Variants in MATCAP2 observed in about 807,000 individuals in gnomAD.
The protein encoded by MATCAP2 is microtubule associated tyrosine carboxypeptidase 2.
chr7:36,366,828 G>A, the MATCAP2 span: 1 of 1,519,956 alleles, frequency 6.6e-7, no homozygotes, highest in Admixed American at 2.1e-5. Context: ...GGCGCGCCCA[G>A]CCGGTGGCTA....
At chr7:36,376,562 A>G in the MATCAP2 span, among the ~76,000 whole-genome samples, 1 of 152,210 alleles carries the variant, frequency 6.6e-6, no homozygotes, top group Admixed American at 6.5e-5. Context: ...AAGAATGTAT[A>G]TTCTGCTGTT....
At chr7:36,336,110 A>G in the MATCAP2 span, 8 of 1,334,206 alleles carry the variant, frequency 6.0e-6, no homozygotes, top group South Asian at 1.4e-4. Flanking sequence ...ATAAACTATG[A>G]CTGTCAATGA....
At chr7:36,350,005 T>C in the MATCAP2 span, among the ~76,000 whole-genome samples, 1 of 152,342 alleles carries the variant, frequency 6.6e-6, no homozygotes, top group Admixed American at 6.5e-5. Flanking sequence ...CTTCAGTGTA[T>C]CTGTGAAAGG....
the MATCAP2 span, among the ~76,000 whole-genome samples, chr7:36,377,607 T>C: frequency 5.9e-5 from 9 of 152,316 alleles, no homozygotes; most frequent in South Asian, 1.9e-3. Context: ...AGGAATATCT[T>C]TGTGGTGTTC....
the MATCAP2 span, chr7:36,336,322 A>C: frequency 6.8e-7 from 1 of 1,465,872 alleles, no homozygotes; most frequent in East Asian, 2.5e-5. Context: ...GAGATAATGA[A>C]AGTAAACAGC....
At chr7:36,389,857 AG>A in the MATCAP2 span, 1 of 1,236,052 alleles carries the variant, frequency 8.1e-7, no homozygotes, top group Non-Finnish European at 1.1e-6. Context: ...ACGGCTGCAG[AG>A]GCCGAGTCCG....
the MATCAP2 span, among the ~76,000 whole-genome samples, chr7:36,337,047 G>A: frequency 8.0e-6 from 1 of 125,246 alleles, no homozygotes; most frequent in East Asian, 2.6e-4. Context: ...GTGGTGAGCC[G>A]AGATCGCGCC....
the MATCAP2 span, among the ~76,000 whole-genome samples, chr7:36,375,014 C>G: frequency 6.6e-6 from 1 of 152,216 alleles, no homozygotes; most frequent in Non-Finnish European, 1.5e-5. Flanking sequence ...GTGCATGTGT[C>G]TTTATAGCAG....
the MATCAP2 span, chr7:36,325,525 C>G: frequency 6.6e-6 from 1 of 152,190 alleles, no homozygotes; most frequent in African/African-American, 2.4e-5. Context: ...TTATTTAAGC[C>G]TGCACTGAGG....
chr7:36,333,573 AGC>A, the MATCAP2 span, among the ~76,000 whole-genome samples: 14 of 151,628 alleles, frequency 9.2e-5, no homozygotes, highest in East Asian at 2.1e-3. Flanking sequence ...AAGCAAAAAA[AGC>A]AAAAAAAGAA....
At chr7:36,379,322 G>A in the MATCAP2 span, among the ~76,000 whole-genome samples, 2 of 152,134 alleles carry the variant, frequency 1.3e-5, no homozygotes, top group Non-Finnish European at 2.9e-5. Context: ...GAGCATTCTG[G>A]GAAGAATTTA....
At chr7:36,388,290 C>A in the MATCAP2 span, among the ~76,000 whole-genome samples, 1 of 148,812 alleles carries the variant, frequency 6.7e-6, no homozygotes, top group Non-Finnish European at 1.5e-5. Context: ...CATGACTCCC[C>A]ACAAAGGTTA....
chr7:36,334,223 C>T, the MATCAP2 span: 2 of 1,402,862 alleles, frequency 1.4e-6, no homozygotes, highest in Non-Finnish European at 2.0e-6. Context: ...ATTCTTCCCC[C>T]AAAGTTAGAT....
the MATCAP2 span, among the ~76,000 whole-genome samples, chr7:36,387,598 T>C: frequency 6.6e-6 from 1 of 152,146 alleles, no homozygotes; most frequent in African/African-American, 2.4e-5. Context: ...TTCTGGCACA[T>C]AGTAGGTGTT....
chr7:36,356,168 A>G, the MATCAP2 span: 4 of 152,230 alleles, frequency 2.6e-5, no homozygotes, highest in African/African-American at 4.8e-5. Flanking sequence ...CAAGCCAGGA[A>G]TTTAACACAA....
chr7:36,353,433 G>T, the MATCAP2 span, among the ~76,000 whole-genome samples: 4 of 151,204 alleles, frequency 2.6e-5, no homozygotes, highest in Admixed American at 2.0e-4. Context: ...CCTTGGGGGA[G>T]AATAGAGGGG....
chr7:36,334,094 T>A, the MATCAP2 span: 1 of 1,614,108 alleles, frequency 6.2e-7, no homozygotes, highest in Non-Finnish European at 8.5e-7. Flanking sequence ...TTAGCTCATG[T>A]TTTTTACGTC....
At chr7:36,382,321 A>T in the MATCAP2 span, among the ~76,000 whole-genome samples, 5 of 151,142 alleles carry the variant, frequency 3.3e-5, 1 homozygote, top group Admixed American at 3.3e-4. Flanking sequence ...AAAAAAAAAA[A>T]AAAGAAGATT....
chr7:36,366,825 C>T, the MATCAP2 span: 2 of 1,520,272 alleles, frequency 1.3e-6, no homozygotes, highest in East Asian at 5.1e-5. Context: ...AGCGGCGCGC[C>T]CAGCCGGTGG....
Sources: allele counts gnomAD v4.1 joint callset (sites outside exome capture counted in the v4.1 genomes callset), GRCh38; gene constraint gnomAD v4.1.1; transcripts MANE v1.5; gene names NCBI Gene and HGNC (gene_info 2026-07-23, HGNC 2026-07-21).